Variants in LRP1B observed in about 807,000 individuals in gnomAD.
The protein encoded by LRP1B is low-density lipoprotein receptor-related protein 1B.
In LRP1B, 217 loss-of-function variants were observed where a neutral mutation model predicts 556.6. The ratio of observed to expected loss-of-function variants is 0.39; its 90% CI spans 0.35 to 0.44. The LOEUF is 0.44. LRP1B is among the 20% of genes least tolerant of loss of function. The probability of loss-of-function intolerance (pLI) is 1.00; values close to 1 mark genes in which losing one functional copy is unlikely to be tolerated. For synonymous variants in LRP1B, 2,047 were observed against 1,865.8 expected, an observed-to-expected ratio of 1.10 and a Z score of -2.50; for missense variants, 5,053 against 5,620.8, an observed-to-expected ratio of 0.90 and a Z score of 3.23.
chr2:140,881,537 T>C (rs13024879), intron 25 of LRP1B, among the ~76,000 whole-genome samples: 27,777 of 151,902 alleles, frequency 0.18, 2,711 homozygotes, highest in Non-Finnish European at 0.21. Flanking sequence ...CACAAAAATC[T>C]GTCAACCTTC....
chr2:140,908,509 C>T lies in LRP1B; in HGVS notation c.3320-432G>A, dbSNP rs150958446. On this transcript the variant is annotated intron_variant, in intron 21 of 90. Coordinates refer to ENST00000389484, the MANE Select transcript of LRP1B (RefSeq NM_018557.3). ...ATCCCTAAATTTAGGTGAATGCTAT[C>T]GGTGCCTGTCAGAAACTCAAATTCA... Among the ~76,000 whole-genome samples, 369 of 151,484 alleles carry T rather than the reference C, an allele frequency of 2.4e-3. 1 individual carries two copies. Among genetic ancestry groups the T allele is most frequent in the African/African-American group, 8.5e-3 (351 of 41,390 alleles).
chr2:141,048,318 A>G (rs1028656504), intron 11 of LRP1B, among the ~76,000 whole-genome samples: 2 of 152,114 alleles, frequency 1.3e-5, no homozygotes, highest in African/African-American at 2.4e-5. Context: ...TTTTCTACTG[A>G]TACCAAAGTT....
chr2:140,831,418 G>A (rs866349808), intron 31 of LRP1B, among the ~76,000 whole-genome samples: 21 of 152,204 alleles, frequency 1.4e-4, no homozygotes, highest in Admixed American at 3.3e-4. Flanking sequence ...AACATACATG[G>A]TAGAAAGGAC....
At chr2:140,352,923 T>C (rs1242598804) in intron 76 of LRP1B, 30 bp downstream of exon 76, 2 of 1,583,880 alleles carry the variant, frequency 1.3e-6, no homozygotes, top group East Asian at 2.3e-5. Flanking sequence ...AAAATTGTAA[T>C]AGGATTTGCA....
At chr2:141,761,429 C>T (rs998432837) in intron 2 of LRP1B, among the ~76,000 whole-genome samples, 12 of 151,130 alleles carry the variant, frequency 7.9e-5, no homozygotes, top group African/African-American at 2.9e-4. Flanking sequence ...ATATTTATAT[C>T]AAGCAACATA....
intron 11 of LRP1B, among the ~76,000 whole-genome samples, chr2:141,038,593 A>T (rs1296520355): frequency 6.6e-6 from 1 of 152,064 alleles, no homozygotes; most frequent in Non-Finnish European, 1.5e-5. Flanking sequence ...GTGTCGTGGG[A>T]GTTTTCTCAG....
chr2:140,296,489 G>T (rs1683609726), intron 84 of LRP1B, among the ~76,000 whole-genome samples: 1 of 152,096 alleles, frequency 6.6e-6, no homozygotes, highest in Non-Finnish European at 1.5e-5. Context: ...TAAAAACCTG[G>T]AATTCAGAAA....
intron 3 of LRP1B, among the ~76,000 whole-genome samples, chr2:141,348,457 TAATC>T (rs1172871417): frequency 6.6e-6 from 1 of 151,976 alleles, no homozygotes; most frequent in Non-Finnish European, 1.5e-5. Flanking sequence ...TAATAGGTAT[TAATC>T]AACATTTATT....
chr2:140,301,393 T>C (rs1418780022), intron 83 of LRP1B, among the ~76,000 whole-genome samples: 1 of 152,104 alleles, frequency 6.6e-6, no homozygotes, highest in African/African-American at 2.4e-5. Context: ...ACAAACATGC[T>C]ACAACAGCAA....
At chr2:141,309,807 C>T (rs773366609) in intron 3 of LRP1B, among the ~76,000 whole-genome samples, 22 of 151,814 alleles carry the variant, frequency 1.4e-4, no homozygotes, top group Non-Finnish European at 2.2e-4. Context: ...CAAACCTGCA[C>T]GTTCTGCACA....
At chr2:141,543,038 A>G (rs1483209463) in intron 2 of LRP1B, among the ~76,000 whole-genome samples, 1 of 152,164 alleles carries the variant, frequency 6.6e-6, no homozygotes, top group Non-Finnish European at 1.5e-5. Context: ...GTAAAAACTA[A>G]ATATATTTAT....
chr2:141,276,773 C>G (rs1685313472), intron 3 of LRP1B, among the ~76,000 whole-genome samples: 1 of 151,410 alleles, frequency 6.6e-6, no homozygotes, highest in Non-Finnish European at 1.5e-5. Flanking sequence ...TCTCCTGCCT[C>G]AGCCTCCCGA....
intron 23 of LRP1B, among the ~76,000 whole-genome samples, chr2:140,893,385 G>T (rs1693856563): frequency 6.6e-6 from 1 of 152,168 alleles, no homozygotes. Context: ...ACTATTCAAA[G>T]GCATCATAGG....
At chr2:140,503,397 T>C (rs994281188) in intron 53 of LRP1B, among the ~76,000 whole-genome samples, 1 of 152,096 alleles carries the variant, frequency 6.6e-6, no homozygotes, top group Admixed American at 6.6e-5. Context: ...ATCTAGATCA[T>C]AATATCTCTT....
rs527272360 is a variant in LRP1B at position 140,964,727 on chromosome 2, T to A, written c.2888-12787A>T. Among the ~76,000 whole-genome samples the A allele has an allele frequency of 1.0e-3, 157 of 152,236 alleles. 1 individual carries two copies. Among genetic ancestry groups the A allele is most frequent in the African/African-American group, 3.6e-3 (148 of 41,534 alleles). On this transcript the variant is annotated intron_variant, in intron 18 of 90. Coordinates refer to ENST00000389484, the MANE Select transcript of LRP1B (RefSeq NM_018557.3). ...ACTAATGATTAATGATACTCATATA[T>A]AATCATATCTAAGATCTATATCTGG...
In LRP1B at chr2:140,568,735, C is replaced by T. The variant is rs1681215381; in HGVS notation, c.7195-26764G>A. On this transcript the variant is annotated intron_variant, in intron 43 of 90. Coordinates refer to ENST00000389484, the MANE Select transcript of LRP1B (RefSeq NM_018557.3). ...CAGAATGCTACAAACTGAAAGACGA[C>T]AGTGTAAAGTCATATATAAGGGTAT... Among the ~76,000 whole-genome samples the T allele has an allele frequency of 2.0e-5, 3 of 151,992 alleles. No homozygotes were observed. In the South Asian group the frequency reaches 6.2e-4, roughly 31 times the overall value.
chr2:141,009,380 G>C (rs1697673919), intron 14 of LRP1B, among the ~76,000 whole-genome samples: 1 of 151,828 alleles, frequency 6.6e-6, no homozygotes, highest in South Asian at 2.1e-4. Context: ...TCTGAAGAAA[G>C]GATAAAATGC....
At chr2:140,318,079 T>G (rs146489245) in intron 82 of LRP1B, among the ~76,000 whole-genome samples, 127 of 152,158 alleles carry the variant, frequency 8.3e-4, no homozygotes, top group African/African-American at 2.9e-3. Flanking sequence ...AGATTAAAAA[T>G]GTTCAGGGTG....
At chr2:140,441,714 G>T (rs564651604) in intron 66 of LRP1B, among the ~76,000 whole-genome samples, 1 of 152,164 alleles carries the variant, frequency 6.6e-6, no homozygotes, top group South Asian at 2.1e-4. Context: ...TATCCAGTTT[G>T]GACAAACTTT....
Sources: allele counts gnomAD v4.1 joint callset (sites outside exome capture counted in the v4.1 genomes callset), GRCh38; gene constraint gnomAD v4.1.1; transcripts MANE v1.5; gene names NCBI Gene and HGNC (gene_info 2026-07-23, HGNC 2026-07-21).